LZTS1: variants seen among roughly 807,000 people sequenced by gnomAD.
LZTS1 encodes the protein leucine zipper putative tumor suppressor 1.
In LZTS1, 31 loss-of-function variants were observed where a neutral mutation model predicts 45.8. The observed-to-expected ratio is 0.68, with a 90% CI of 0.51 to 0.91. The LOEUF is 0.91. Ranked by LOEUF, LZTS1 falls within the 40% of genes least tolerant of loss-of-function variation. The probability of loss-of-function intolerance (pLI) is 0.00; values close to 1 mark genes in which losing one functional copy is unlikely to be tolerated. For missense variants in LZTS1, 821 were observed against 788.9 expected (o/e 1.04, Z -0.49); for synonymous variants, 359 against 357.3 (o/e 1.00, Z -0.05).
At chr8:20,262,402 CAGGG>C (rs777539095) in intron 1 of LZTS1, among the ~76,000 whole-genome samples, 3 of 152,058 alleles carry the variant, frequency 2.0e-5, no homozygotes, top group Non-Finnish European at 2.9e-5. Flanking sequence ...GCCAGAGAGA[CAGGG>C]AGGACAGGTG....
intron 1 of LZTS1, among the ~76,000 whole-genome samples, chr8:20,259,625 T>C (rs988735295): frequency 1.9e-4 from 29 of 152,248 alleles, no homozygotes; most frequent in Non-Finnish European, 3.7e-4. Flanking sequence ...GACACACTCA[T>C]CTCTTTCCTG....
At chr8:20,255,620 A>G (rs761529201) in intron 1 of LZTS1, among the ~76,000 whole-genome samples, 1 of 152,124 alleles carries the variant, frequency 6.6e-6, no homozygotes, top group Non-Finnish European at 1.5e-5. Context: ...AAACCAATGT[A>G]TACTATAGCA....
intron 1 of LZTS1, among the ~76,000 whole-genome samples, chr8:20,295,370 T>C (rs986467718): frequency 7.9e-5 from 12 of 152,228 alleles, no homozygotes; most frequent in Admixed American, 1.3e-4. Context: ...CCCACTGAGA[T>C]TGCAGACCAA....
At chr8:20,286,001 A>G (rs1800785907) in intron 1 of LZTS1, among the ~76,000 whole-genome samples, 1 of 152,220 alleles carries the variant, frequency 6.6e-6, no homozygotes, top group Non-Finnish European at 1.5e-5. Context: ...ACACACGAAT[A>G]TTTCCAGATG....
chr8:20,258,288 G>A (rs200536357), intron 1 of LZTS1, among the ~76,000 whole-genome samples: 1 of 152,146 alleles, frequency 6.6e-6, no homozygotes, highest in Admixed American at 6.5e-5. Context: ...CATCCTAAAG[G>A]GGCTAAAGAA....
chr8:20,299,676 G>A (rs897894522), intron 1 of LZTS1, among the ~76,000 whole-genome samples: 1 of 152,086 alleles, frequency 6.6e-6, no homozygotes, highest in Non-Finnish European at 1.5e-5. Flanking sequence ...ATTCCTATAT[G>A]AGAAATAACA....
At chr8:20,287,859 G>C (rs34714572) in intron 1 of LZTS1, among the ~76,000 whole-genome samples, 1 of 137,838 alleles carries the variant, frequency 7.3e-6, no homozygotes, top group African/African-American at 2.7e-5. Flanking sequence ...CCAGGAGGTA[G>C]AGGTTGCAGT....
intron 1 of LZTS1, among the ~76,000 whole-genome samples, chr8:20,258,185 A>C (rs1398216840): frequency 6.6e-6 from 1 of 152,192 alleles, no homozygotes; most frequent in Non-Finnish European, 1.5e-5. Flanking sequence ...CAAAAGACAG[A>C]TATCCAATTA....
chr8:20,252,951 G>A lies in LZTS1; in HGVS notation c.980C>T (p.Ala327Val), dbSNP rs199711006. Reference sequence around the variant, plus strand: ...TACCTGCAGGTGCAGGACCTGCTGCGCGCGCTGGCTCTTCTGCGAGGCCTG... The same window carrying A: ...TACCTGCAGGTGCAGGACCTGCTGCACGCGCTGGCTCTTCTGCGAGGCCTG... ...LKQASQKSQR[A>V]QQVLHLQVLQ... The change falls in exon 3 of 4, where the codon GCG becomes GTG. Residue 327 changes from alanine to valine, a missense_variant. Physicochemically the swap from Ala to Val is moderately conservative, Grantham distance 64. Transcript: ENST00000381569. 2.2e-5 allele frequency: 35 copies of A among 1,594,298 alleles called. No homozygotes were observed. Among genetic ancestry groups the A allele is most frequent in the African/African-American group, 2.2e-4 (16 of 74,348 alleles).
At chr8:20,267,228 G>A (rs905443320) in intron 1 of LZTS1, among the ~76,000 whole-genome samples, 2 of 152,020 alleles carry the variant, frequency 1.3e-5, no homozygotes, top group African/African-American at 4.8e-5. Context: ...TTCTGGCATC[G>A]TCCTTGTGTT....
In LZTS1 at chr8:20,303,748, T is replaced by G. The variant is rs1585309051; in HGVS notation, c.-143A>C. The G allele has an allele frequency of 1.0e-6, 1 of 982,534 alleles. No homozygotes were observed. The highest frequency in any genetic ancestry group is 1.2e-6 in the Non-Finnish European group (1 of 829,792). The allele number at this position is 982,534 out of a possible 1,614,324, so 60.9% of individuals were successfully genotyped here. On this transcript the variant is annotated 5_prime_UTR_variant, in exon 1 of 4. Coordinates refer to ENST00000381569, the MANE Select transcript of LZTS1 (RefSeq NM_021020.5). ...CGGCCACCGCACCTTACCTGCCCCC[T>G]GCGCCTCGGGCGCACTTGAGACTTT... is the stretch of plus-strand genomic sequence containing the variant.
At chr8:20,294,632 G>A (rs923057) in intron 1 of LZTS1, among the ~76,000 whole-genome samples, 69,257 of 151,964 alleles carry the variant, frequency 0.46, 17,061 homozygotes, top group Non-Finnish European at 0.54. Flanking sequence ...AGATGTGTGC[G>A]CTGTCCAGTC....
chr8:20,300,502 T>A (rs1386094332), intron 1 of LZTS1, among the ~76,000 whole-genome samples: 1 of 151,884 alleles, frequency 6.6e-6, no homozygotes, highest in Non-Finnish European at 1.5e-5. Context: ...CCGGCTAATT[T>A]TTTGTATTTT....
At chr8:20,276,324 G>T (rs1800582683) in intron 1 of LZTS1, among the ~76,000 whole-genome samples, 1 of 151,406 alleles carries the variant, frequency 6.6e-6, no homozygotes, top group South Asian at 2.1e-4. Flanking sequence ...GGATTAGATG[G>T]TTGGGACTTT....
At chr8:20,266,007 A>G (rs113233271) in intron 1 of LZTS1, among the ~76,000 whole-genome samples, 17 of 152,186 alleles carry the variant, frequency 1.1e-4, no homozygotes, top group African/African-American at 3.6e-4. Flanking sequence ...TACTAAGAAC[A>G]TAATAGATGC....
chr8:20,256,306 G>A (rs1015933051), intron 1 of LZTS1, among the ~76,000 whole-genome samples: 1 of 152,126 alleles, frequency 6.6e-6, no homozygotes, highest in Admixed American at 6.6e-5. Flanking sequence ...AGGAGGCTGT[G>A]CAGCTCAAAG....
intron 1 of LZTS1, among the ~76,000 whole-genome samples, chr8:20,294,971 C>G (rs961363681): frequency 1.3e-5 from 2 of 151,818 alleles, no homozygotes; most frequent in Non-Finnish European, 2.9e-5. Flanking sequence ...TTCCTATTAT[C>G]TCCCCCAAGC....
Position 20,255,158 on chromosome 8 carries a change from G to C in LZTS1, c.24C>G (p.Ile8Met), listed in dbSNP as rs763371198. ...GCTTGCTGTGGAAGCTGTGGCCGGA[G>C]ATGAGGCTACTGACGCTGCCCATGG... MGSVSSLISGHSFHSKHC... is the reference protein window; with the variant it reads MGSVSSLMSGHSFHSKHC... Residue 8 changes from isoleucine (I) to methionine (M), a missense_variant, in exon 2 of 4, where the codon ATC becomes ATG. Coordinates refer to ENST00000381569, the MANE Select transcript of LZTS1 (RefSeq NM_021020.5). 8 of 1,613,600 alleles carry C rather than the reference G, an allele frequency of 5.0e-6. No homozygotes were observed. In the South Asian group the frequency reaches 8.8e-5, roughly 18 times the overall value.
chr8:20,274,650 T>G (rs1479097817), intron 1 of LZTS1, among the ~76,000 whole-genome samples: 1 of 152,102 alleles, frequency 6.6e-6, no homozygotes, highest in Non-Finnish European at 1.5e-5. Context: ...GCGTCAACAC[T>G]CCCTTGGTGT....
Sources: allele counts gnomAD v4.1 joint callset (sites outside exome capture counted in the v4.1 genomes callset), GRCh38; gene constraint gnomAD v4.1.1; transcripts MANE v1.5; gene names NCBI Gene and HGNC (gene_info 2026-07-23, HGNC 2026-07-21).